The following CAMTA1 variants were observed in gnomAD, a reference collection of about 807,000 sequenced individuals.
CAMTA1 encodes calmodulin-binding transcription activator 1.
In CAMTA1, 27 loss-of-function variants were observed where a neutral mutation model predicts 170.9. The ratio of observed to expected loss-of-function variants is 0.16; its 90% CI spans 0.12 to 0.22. The LOEUF (loss-of-function observed/expected upper bound fraction) is 0.22. CAMTA1 is among the 10% of genes least tolerant of loss of function. CAMTA1 has a pLI of 1.00. For synonymous variants in CAMTA1, 833 were observed against 891.5 expected (o/e 0.93, Z 1.17); for missense variants, 1,619 against 2,217.2 (o/e 0.73, Z 5.42).
chr1:7,574,324 G>A (rs991371176), intron 6 of CAMTA1, among the ~76,000 whole-genome samples: 2 of 152,144 alleles, frequency 1.3e-5, no homozygotes, highest in East Asian at 1.9e-4. Context: ...GAAATGGGGC[G>A]GTGCCTGAAC....
At chr1:7,472,715 C>T (rs1024778792) in intron 6 of CAMTA1, among the ~76,000 whole-genome samples, 2 of 152,148 alleles carry the variant, frequency 1.3e-5, no homozygotes, top group Non-Finnish European at 2.9e-5. Context: ...GCCCTGGGTC[C>T]CCCTAGAAGT....
chr1:6,843,425 T>A lies in CAMTA1; in HGVS notation c.234+18215T>A, dbSNP rs188319927. 9.8e-5 allele frequency among the ~76,000 whole-genome samples: 15 copies of A among 152,322 alleles called. No homozygotes were observed. In the East Asian group the frequency reaches 2.9e-3, roughly 29 times the overall value. ...CAGTTAGAAAACTTTGTGTTTTTGG[T>A]TTGGTCAGGGAAAGATCCAGAAAAG... is the stretch of plus-strand genomic sequence containing the variant. On this transcript the variant is annotated intron_variant, in intron 3 of 22. Coordinates refer to ENST00000303635, the MANE Select transcript of CAMTA1 (RefSeq NM_015215.4).
intron 3 of CAMTA1, among the ~76,000 whole-genome samples, chr1:7,012,952 C>T (rs1411147253): frequency 6.6e-6 from 1 of 152,158 alleles, no homozygotes; most frequent in East Asian, 1.9e-4. Context: ...TAATCTCTCC[C>T]CACATCTGAT....
chr1:7,188,609 T>C (rs575345943), intron 4 of CAMTA1, among the ~76,000 whole-genome samples: 1 of 152,348 alleles, frequency 6.6e-6, no homozygotes, highest in East Asian at 1.9e-4. Flanking sequence ...GCTTGTCATC[T>C]TCAGGGTTCA....
intron 6 of CAMTA1, among the ~76,000 whole-genome samples, chr1:7,537,491 C>T (rs950789457): frequency 1.3e-5 from 2 of 152,332 alleles, no homozygotes; most frequent in East Asian, 1.9e-4. Flanking sequence ...CTCCAAAAGG[C>T]GTCTGTGCAC....
chr1:6,888,780 A>G (rs772770466), intron 3 of CAMTA1, among the ~76,000 whole-genome samples: 1 of 152,104 alleles, frequency 6.6e-6, no homozygotes, highest in East Asian at 1.9e-4. Context: ...CAGAATACCA[A>G]TATTGTTCTT....
chr1:6,929,173 G>A (rs892814185), intron 3 of CAMTA1, among the ~76,000 whole-genome samples: 2 of 152,024 alleles, frequency 1.3e-5, no homozygotes, highest in Non-Finnish European at 2.9e-5. Context: ...TTCTCTTTTT[G>A]TTTTGTTTCG....
At chr1:6,814,083 C>G (rs1006192624) in intron 1 of CAMTA1, among the ~76,000 whole-genome samples, 1 of 152,076 alleles carries the variant, frequency 6.6e-6, no homozygotes, top group African/African-American at 2.4e-5. Context: ...GACATCCTTT[C>G]AAGGATGCAT....
intron 3 of CAMTA1, among the ~76,000 whole-genome samples, chr1:6,844,246 A>G (rs1222169439): frequency 6.6e-6 from 1 of 152,184 alleles, no homozygotes; most frequent in African/African-American, 2.4e-5. Flanking sequence ...TAGGGAGGAT[A>G]TATTAGCAGG....
chr1:7,678,258 C>A (rs2096144328), intron 11 of CAMTA1, among the ~76,000 whole-genome samples: 1 of 152,218 alleles, frequency 6.6e-6, no homozygotes, highest in African/African-American at 2.4e-5. Context: ...GGCTAACCAG[C>A]CAAATCTTCT....
At chr1:7,484,136 G>T (rs752665328) in intron 6 of CAMTA1, among the ~76,000 whole-genome samples, 2 of 152,186 alleles carry the variant, frequency 1.3e-5, no homozygotes, top group East Asian at 1.9e-4. Context: ...GCCTGGGGCC[G>T]CAGGGCCATC....
At chr1:7,599,539 CA>C (rs1252768660) in intron 6 of CAMTA1, among the ~76,000 whole-genome samples, 3 of 152,144 alleles carry the variant, frequency 2.0e-5, no homozygotes, top group African/African-American at 7.2e-5. Flanking sequence ...GGAGTATGGC[CA>C]TTTTCATGAT....
At chr1:7,700,833 T>C (rs113143278) in intron 11 of CAMTA1, 2 of 152,254 alleles carry the variant, frequency 1.3e-5, no homozygotes, top group Admixed American at 6.5e-5. Context: ...ATATTTGGTA[T>C]ATAATATTAA....
chr1:7,062,782 C>T (rs1010783506), intron 3 of CAMTA1, among the ~76,000 whole-genome samples: 2 of 152,244 alleles, frequency 1.3e-5, no homozygotes, highest in African/African-American at 2.4e-5. Flanking sequence ...GCCAGGCTTC[C>T]GCTGGGGCTC....
chr1:7,363,607 G>A (rs2085730488), intron 5 of CAMTA1, among the ~76,000 whole-genome samples: 1 of 152,088 alleles, frequency 6.6e-6, no homozygotes, highest in Non-Finnish European at 1.5e-5. Flanking sequence ...CGGAACGATT[G>A]GCCTGTGTGG....
At chr1:7,369,657 G>T (rs942799652) in intron 5 of CAMTA1, among the ~76,000 whole-genome samples, 1 of 151,842 alleles carries the variant, frequency 6.6e-6, no homozygotes, top group East Asian at 1.9e-4. Context: ...CAGGAAGCTC[G>T]CTGGGCCTTG....
At chr1:7,704,419 CCGGG>C (rs1390499340) in intron 11 of CAMTA1, among the ~76,000 whole-genome samples, 22 of 146,382 alleles carry the variant, frequency 1.5e-4, no homozygotes, top group African/African-American at 5.1e-4. Flanking sequence ...CCGCGCTGAG[CCGGG>C]CGGGCGGAGC....
At chr1:7,006,157 TG>T (rs982245541) in intron 3 of CAMTA1, among the ~76,000 whole-genome samples, 20 of 152,328 alleles carry the variant, frequency 1.3e-4, no homozygotes, top group African/African-American at 4.3e-4. Context: ...TATTTGGGTT[TG>T]GAAATTTTCC....
intron 5 of CAMTA1, among the ~76,000 whole-genome samples, chr1:7,288,807 C>T (rs376962452): frequency 3.8e-4 from 58 of 152,204 alleles, no homozygotes; most frequent in African/African-American, 1.3e-3. Flanking sequence ...AGGCGGCTCT[C>T]GTGAAGCATT....
Sources: allele counts gnomAD v4.1 joint callset (sites outside exome capture counted in the v4.1 genomes callset), GRCh38; gene constraint gnomAD v4.1.1; transcripts MANE v1.5; gene names NCBI Gene and HGNC (gene_info 2026-07-23, HGNC 2026-07-21).